The following VRK2 variants were observed in gnomAD, a reference collection of about 807,000 sequenced individuals.
The protein encoded by VRK2 is VRK serine/threonine kinase 2, also known as serine/threonine-protein kinase VRK2.
In VRK2, 60 loss-of-function variants were observed where a neutral mutation model predicts 57.6. The observed-to-expected ratio is 1.04, with a 90% confidence interval of 0.85 to 1.29. VRK2 has a LOEUF of 1.29. VRK2 is among the 50% of genes most tolerant of loss of function. The pLI is 0.00. For missense variants in VRK2, 705 were observed against 588.1 expected, an observed-to-expected ratio of 1.20 and a Z score of -2.06; for synonymous variants, 231 against 199.2, an observed-to-expected ratio of 1.16 and a Z score of -1.35.
chr2:57,941,045 A>G (rs1671078163), intron 1 of VRK2, among the ~76,000 whole-genome samples: 1 of 152,140 alleles, frequency 6.6e-6, no homozygotes, highest in East Asian at 1.9e-4. Context: ...TGTAATAATA[A>G]CTCCTAGAGT....
At chr2:58,000,708 A>G (rs1378873398) in intron 1 of VRK2, among the ~76,000 whole-genome samples, 1 of 152,240 alleles carries the variant, frequency 6.6e-6, no homozygotes. Context: ...CCCAATAATG[A>G]CAAAACAGTT....
intron 1 of VRK2, among the ~76,000 whole-genome samples, chr2:57,991,298 G>C (rs915640812): frequency 2.6e-5 from 4 of 150,952 alleles, no homozygotes; most frequent in African/African-American, 4.9e-5. Context: ...TACATTATTT[G>C]TGTGTATTTG....
At chr2:58,038,277 T>C (rs1674338023) in intron 3 of VRK2, among the ~76,000 whole-genome samples, 1 of 152,112 alleles carries the variant, frequency 6.6e-6, no homozygotes, top group Non-Finnish European at 1.5e-5. Context: ...CCCTGCTCTC[T>C]TTTCTGCTGC....
intron 1 of VRK2, among the ~76,000 whole-genome samples, chr2:58,003,743 T>C (rs778084088): frequency 2.6e-4 from 39 of 152,160 alleles, no homozygotes; most frequent in Admixed American, 1.1e-3. Context: ...CCATGGTGTC[T>C]TGTGGCCTGT....
chr2:58,144,496 A>G (rs993571036), intron 11 of VRK2, among the ~76,000 whole-genome samples: 1 of 151,922 alleles, frequency 6.6e-6, no homozygotes. Flanking sequence ...CACATTGTAT[A>G]CCTTATATAT....
At chr2:58,116,438 A>T (rs112407871) in intron 7 of VRK2, among the ~76,000 whole-genome samples, 8 of 151,190 alleles carry the variant, frequency 5.3e-5, no homozygotes, top group South Asian at 2.1e-4. Flanking sequence ...AAGAGTGCTT[A>T]AAAGAGTATT....
chr2:57,916,216 G>A (rs1572855361), intron 1 of VRK2, among the ~76,000 whole-genome samples: 1 of 152,028 alleles, frequency 6.6e-6, no homozygotes, highest in Non-Finnish European at 1.5e-5. Context: ...AGACCAGCCT[G>A]ACCAACATGG....
intron 1 of VRK2, among the ~76,000 whole-genome samples, chr2:57,947,712 T>A (rs532016901): frequency 3.3e-5 from 5 of 152,312 alleles, no homozygotes; most frequent in Middle Eastern, 3.4e-3. Flanking sequence ...GTTGTGTACC[T>A]GTTGCCTGAC....
chr2:58,078,583 A>G (rs1481326171), intron 2 of VRK2, among the ~76,000 whole-genome samples: 2 of 152,078 alleles, frequency 1.3e-5, no homozygotes, highest in African/African-American at 4.8e-5. Flanking sequence ...ACCATTTTTT[A>G]TAGTGATGGG....
upstream of VRK2, among the ~76,000 whole-genome samples, chr2:58,042,219 T>C (rs1188284121): frequency 6.6e-6 from 1 of 152,226 alleles, no homozygotes; most frequent in East Asian, 1.9e-4. Flanking sequence ...TGAAGAATTA[T>C]GTCATTTGGA....
At chr2:57,927,722 T>C (rs975303131) in intron 1 of VRK2, among the ~76,000 whole-genome samples, 6 of 152,218 alleles carry the variant, frequency 3.9e-5, no homozygotes, top group Non-Finnish European at 8.8e-5. Context: ...GTAGGACAGG[T>C]CTGGTGTTGA....
intron 1 of VRK2, among the ~76,000 whole-genome samples, chr2:57,916,102 T>C (rs1670138556): frequency 6.6e-6 from 1 of 151,926 alleles, no homozygotes; most frequent in East Asian, 1.9e-4. Context: ...CACAAATGTT[T>C]CAATCTTAAG....
At chr2:57,990,345 A>G (rs1402332755) in intron 1 of VRK2, among the ~76,000 whole-genome samples, 1 of 152,208 alleles carries the variant, frequency 6.6e-6, no homozygotes, top group African/African-American at 2.4e-5. Flanking sequence ...CTTAGACTAC[A>G]AAAGAGATCA....
intron 1 of VRK2, among the ~76,000 whole-genome samples, chr2:57,948,091 A>G (rs765014311): frequency 4.8e-4 from 73 of 152,294 alleles, no homozygotes; most frequent in Non-Finnish European, 8.2e-4. Flanking sequence ...ACTTAAAACA[A>G]TATCATTTAT....
chr2:58,147,344 C>T (rs1010855687), intron 12 of VRK2, among the ~76,000 whole-genome samples: 6 of 151,784 alleles, frequency 4.0e-5, no homozygotes, highest in East Asian at 3.9e-4. Flanking sequence ...TACATTCTTT[C>T]GAGTATAAAA....
intron 1 of VRK2, among the ~76,000 whole-genome samples, chr2:57,963,493 C>T (rs1054434740): frequency 1.3e-5 from 2 of 152,166 alleles, no homozygotes; most frequent in East Asian, 1.9e-4. Context: ...GAAGATACAT[C>T]TTATGTGAAC....
At chr2:58,044,950 A>G (rs1321995670), upstream of VRK2, among the ~76,000 whole-genome samples, 1 of 152,218 alleles carries the variant, frequency 6.6e-6, no homozygotes, top group African/African-American at 2.4e-5. Context: ...AATATCCTAC[A>G]ATGCACAGGA....
At chr2:58,052,594 CTG>C (rs1675913842) in intron 2 of VRK2, among the ~76,000 whole-genome samples, 1 of 133,406 alleles carries the variant, frequency 7.5e-6, no homozygotes, top group Non-Finnish European at 1.5e-5. Flanking sequence ...CGGAGTGAGA[CTG>C]TCTCAAAAAA....
chr2:58,063,184 A>G (rs1448460580), intron 2 of VRK2, among the ~76,000 whole-genome samples: 1 of 147,124 alleles, frequency 6.8e-6, no homozygotes, highest in Non-Finnish European at 1.5e-5. Context: ...TTTTTTTTTT[A>G]GTTTTATTTT....
Sources: gnomAD v4.1 joint callset for allele counts (sites outside exome capture counted in the v4.1 genomes callset) on GRCh38, gnomAD v4.1.1 for gene constraint, MANE v1.5 for transcripts, NCBI Gene and HGNC (gene_info 2026-07-23, HGNC 2026-07-21) for gene names.